The following FAM110B variants were observed in gnomAD, a reference collection of about 807,000 sequenced individuals.
FAM110B encodes protein FAM110B.
A neutral mutation model predicts 20.4 loss-of-function variants in FAM110B; 6 were observed. That is an observed-to-expected ratio of 0.29 (90% confidence interval 0.16 to 0.58). The LOEUF (loss-of-function observed/expected upper bound fraction) is 0.58. Ranked by LOEUF, FAM110B falls within the 20% of genes least tolerant of loss-of-function variation. FAM110B has a pLI of 0.90. For synonymous variants in FAM110B, 226 were observed against 214.1 expected (o/e 1.06, Z -0.49); for missense variants, 434 against 498.2 (o/e 0.87, Z 1.23).
intron 2 of FAM110B, among the ~76,000 whole-genome samples, chr8:58,049,805 G>A (rs1440132692): frequency 6.6e-6 from 1 of 152,130 alleles, no homozygotes; most frequent in Admixed American, 6.5e-5. Context: ...TCACTCTTAA[G>A]TAAAGCAATG....
At chr8:58,064,622 G>A (rs1805725812) in intron 2 of FAM110B, among the ~76,000 whole-genome samples, 1 of 152,030 alleles carries the variant, frequency 6.6e-6, no homozygotes, top group Admixed American at 6.6e-5. Flanking sequence ...CCCTTGGCCT[G>A]GATGTTTTAA....
At chr8:58,028,802 C>A (rs1804908035) in intron 1 of FAM110B, among the ~76,000 whole-genome samples, 2 of 152,130 alleles carry the variant, frequency 1.3e-5, no homozygotes, top group African/African-American at 4.8e-5. Context: ...ATTTATCTTA[C>A]CTTGCTTCCT....
chr8:58,101,611 GAAGT>G (rs1429355101), intron 3 of FAM110B, among the ~76,000 whole-genome samples: 1 of 151,094 alleles, frequency 6.6e-6, no homozygotes, highest in Non-Finnish European at 1.5e-5. Context: ...AAAATAAACT[GAAGT>G]ATTTATTAAT....
chr8:58,147,042 A>G lies in FAM110B; in HGVS notation c.812A>G (p.Asp271Gly). 1 of 1,614,192 alleles carries G rather than the reference A, an allele frequency of 6.2e-7. No homozygotes were observed. The highest frequency in any genetic ancestry group is 8.5e-7 in the Non-Finnish European group (1 of 1,180,034). Residue 271 changes from aspartate to glycine, a missense_variant, in exon 4 of 4, where the codon GAC (aspartate) becomes GGC (glycine). This residue lies in a region of FAM110B where 94 missense variants were observed against 137.8 expected (regional missense o/e 0.68). Coordinates refer to ENST00000519262, the MANE Select transcript of FAM110B (RefSeq NM_001377989.1). ...TTGAGTGACAGATATTTCCGAGTGG[A>G]CGCGGACGTGGAGAGGTTCTTCAAC... Reference protein sequence around the residue: ...SDLSDRYFRVDADVERFFNYC... With the variant: ...SDLSDRYFRVGADVERFFNYC...
intron 3 of FAM110B, among the ~76,000 whole-genome samples, chr8:58,138,081 G>A (rs1585918285): frequency 1.3e-5 from 2 of 152,346 alleles, no homozygotes; most frequent in South Asian, 4.1e-4. Context: ...CCTGCATTGC[G>A]TAATGAGCAA....
chr8:58,083,518 G>T (rs941018156), intron 3 of FAM110B, among the ~76,000 whole-genome samples: 1 of 152,182 alleles, frequency 6.6e-6, no homozygotes, highest in Non-Finnish European at 1.5e-5. Flanking sequence ...CAAATTGATT[G>T]TTCCCTGTGG....
intron 3 of FAM110B, among the ~76,000 whole-genome samples, chr8:58,079,244 G>T (rs753821864): frequency 6.6e-6 from 1 of 152,288 alleles, no homozygotes; most frequent in Non-Finnish European, 1.5e-5. Flanking sequence ...CCACTGTGCC[G>T]GGAGCCAGGC....
intron 3 of FAM110B, among the ~76,000 whole-genome samples, chr8:58,094,264 GGC>G (rs1389597735): frequency 6.6e-6 from 1 of 152,046 alleles, no homozygotes; most frequent in Non-Finnish European, 1.5e-5. Flanking sequence ...TGATTGCCCT[GGC>G]CAGAACTTCC....
chr8:58,011,370 A>G (rs1423523172), intron 1 of FAM110B, among the ~76,000 whole-genome samples: 1 of 152,164 alleles, frequency 6.6e-6, no homozygotes, highest in Non-Finnish European at 1.5e-5. Flanking sequence ...CCTTTCGAGC[A>G]TCCTTTTCTA....
chr8:58,013,626 A>C (rs1419142941), intron 1 of FAM110B, among the ~76,000 whole-genome samples: 2 of 152,106 alleles, frequency 1.3e-5, no homozygotes, highest in Non-Finnish European at 2.9e-5. Context: ...ACAGAGGGGG[A>C]GTCCAGTGGG....
chr8:58,148,159 G>GTTTTTTT lies in FAM110B; in HGVS notation c.*822_*823insTTTTTTT, dbSNP rs1281409132. 1.1e-5 allele frequency: 1 copy of GTTTTTTT among 88,542 alleles called. No individual in the cohort carries two copies. Among genetic ancestry groups the GTTTTTTT allele is most frequent in the Non-Finnish European group, 2.5e-5 (1 of 40,182 alleles). The allele number at this position is 88,542 out of a possible 1,614,324, so 5.5% of individuals were successfully genotyped here. A position where few individuals can be genotyped will look rare whatever the true frequency, so the allele number is the denominator to read the frequency against. On this transcript the variant is annotated 3_prime_UTR_variant, in exon 4 of 4. Transcript: ENST00000519262. ...GCCTTTAAAAAAAAAAAAAGTTGTGGTTTTTTGTTTTTTTTTTTTTTTTTT... is the reference window on the plus strand; with the variant it reads ...GCCTTTAAAAAAAAAAAAAGTTGTGGTTTTTTTTTTTTTGTTTTTTTTTTTTTTTTTT...
rs139467622 is a variant in FAM110B at position 58,111,462 on chromosome 8, A to G, written c.-324-34445A>G. On this transcript the variant is annotated intron_variant, in intron 3 of 3. Transcript: ENST00000519262. ...GGTTGGGGAACTTCTGGACTTGTGA[A>G]TGATGGCAAGACATTAATAGCTAGC... 3.1e-3 allele frequency among the ~76,000 whole-genome samples: 465 copies of G among 152,338 alleles called. 1 individual carries two copies. The highest frequency in any genetic ancestry group is 5.0e-3 in the Non-Finnish European group (337 of 68,022).
intron 1 of FAM110B, among the ~76,000 whole-genome samples, chr8:58,006,792 A>G (rs1207196982): frequency 6.6e-6 from 1 of 150,674 alleles, no homozygotes; most frequent in East Asian, 2.0e-4. Flanking sequence ...TAGTAGTGAC[A>G]AGGTTTCTGC....
At chr8:58,063,380 G>T (rs769888399) in intron 2 of FAM110B, among the ~76,000 whole-genome samples, 17 of 152,168 alleles carry the variant, frequency 1.1e-4, no homozygotes, top group Admixed American at 3.3e-4. Context: ...TGTAGCATTT[G>T]CCTCAGACCT....
rs10651271 is a variant in FAM110B, at chr8:58,024,172, C to CT, written c.-511-7419dup. Among the ~76,000 whole-genome samples the CT allele has an allele frequency of 2.9e-3, 378 of 129,438 alleles. 5 individuals are homozygous for CT. Among genetic ancestry groups the CT allele is most frequent in the African/African-American group, 5.6e-3 (196 of 35,016 alleles). 84.9% of individuals were successfully genotyped at this position (129,438 alleles called of 152,430 possible). ...TAAATTTAATGAAACTTTCACTGTG[C>CT]TTTTTTTTTTTTTTTGTAAAACCCA... On this transcript the variant is annotated intron_variant, in intron 1 of 3. Transcript: ENST00000519262.
chr8:58,000,742 T>C (rs1181555560), intron 1 of FAM110B, among the ~76,000 whole-genome samples: 1 of 152,332 alleles, frequency 6.6e-6, no homozygotes, highest in Non-Finnish European at 1.5e-5. Context: ...TGAATCCTGA[T>C]TACGCTTGTG....
chr8:58,096,368 G>A (rs1218822019), intron 3 of FAM110B, among the ~76,000 whole-genome samples: 3 of 152,036 alleles, frequency 2.0e-5, no homozygotes, highest in African/African-American at 7.2e-5. Context: ...TAGTTACAGG[G>A]TTTCACCATG....
intron 1 of FAM110B, among the ~76,000 whole-genome samples, chr8:58,006,831 G>C (rs1198984999): frequency 6.7e-6 from 1 of 148,594 alleles, no homozygotes; most frequent in African/African-American, 2.5e-5. Context: ...CAGGTGATCC[G>C]CCCACCTCAG....
chr8:58,025,831 C>T (rs1236468331), intron 1 of FAM110B, among the ~76,000 whole-genome samples: 2 of 152,242 alleles, frequency 1.3e-5, no homozygotes, highest in Non-Finnish European at 1.5e-5. Flanking sequence ...AATGATGTCT[C>T]TTCCTCCACA....
Sources: allele counts gnomAD v4.1 joint callset (sites outside exome capture counted in the v4.1 genomes callset), GRCh38; gene constraint gnomAD v4.1.1; regional missense constraint gnomAD v4.1.1; transcripts MANE v1.5; gene names NCBI Gene and HGNC (gene_info 2026-07-23, HGNC 2026-07-21).